Variants in PDGFRB observed in about 807,000 individuals in gnomAD.
PDGFRB encodes platelet-derived growth factor receptor beta.
A neutral mutation model predicts 120.2 loss-of-function variants in PDGFRB; 42 were observed. That is an observed-to-expected ratio of 0.35 (90% CI 0.27 to 0.45). The LOEUF (loss-of-function observed/expected upper bound fraction) is 0.45. Ranked by LOEUF, PDGFRB falls within the 20% of genes least tolerant of loss-of-function variation. The probability of loss-of-function intolerance (pLI) is 1.00; values close to 1 mark genes in which losing one functional copy is unlikely to be tolerated. For missense variants in PDGFRB, 1,149 were observed against 1,476.3 expected (o/e 0.78, Z 3.63); for synonymous variants, 586 against 606.8 (o/e 0.97, Z 0.50).
rs2113889422 is a variant in PDGFRB, at chr5:150,121,192, C to T, written c.2463+12G>A. 1 of 1,377,586 alleles carries T rather than the reference C, an allele frequency of 7.3e-7. No individual in the cohort carries two copies. Among genetic ancestry groups the T allele is most frequent in the Non-Finnish European group, 1.0e-6 (1 of 964,200 alleles). The allele number at this position is 1,377,586 out of a possible 1,614,324, so 85.3% of individuals were successfully genotyped here. ...CACAGCCCCCACTCTGCCCCACCAACACCACACGTACGTTCTTGGAGGCCA... is the reference window on the plus strand; with the variant it reads ...CACAGCCCCCACTCTGCCCCACCAATACCACACGTACGTTCTTGGAGGCCA... On this transcript the variant is annotated intron_variant, in intron 17 of 22. Transcript: ENST00000261799. This position sits in a 1 kb window ranked among gnomAD's most constrained non-coding sequence, Gnocchi z 4.1.
Position 150,143,254 on chromosome 5 carries a change from G to A in PDGFRB, c.-6-6201C>T, listed in dbSNP as rs116027550. On this transcript the variant is annotated intron_variant, in intron 1 of 22. Coordinates refer to ENST00000261799, the MANE Select transcript of PDGFRB (RefSeq NM_002609.4). The stretch of plus-strand genomic sequence containing the variant: ...GTTTTTGGACCACAGTTGATCTGGG[G>A]TAACTGAAACTTCAGAAAGTGAAAC... Among the ~76,000 whole-genome samples, 1,298 of 152,342 alleles carry A rather than the reference G, an allele frequency of 8.5e-3. 14 individuals are homozygous for A. The highest frequency in any genetic ancestry group is 0.029 in the African/African-American group (1,198 of 41,572).
rs777708927 is a variant in PDGFRB at position 150,123,166 on chromosome 5, C to T, written c.2059G>A (p.Gly687Arg). Residue 687 changes from glycine to arginine, a missense_variant, in exon 15 of 23, where the codon GGA becomes AGA. Coordinates refer to ENST00000261799, the MANE Select transcript of PDGFRB (RefSeq NM_002609.4). Reference sequence around the variant, plus strand: ...CGGTGCAGGTAGTCCACCAGGTCTCCGTAGCGGCAGTACTCAGTGATGATA... The same window carrying T: ...CGGTGCAGGTAGTCCACCAGGTCTCTGTAGCGGCAGTACTCAGTGATGATA... ...IYIITEYCRY[G>R]DLVDYLHRNK... The T allele has an allele frequency of 3.7e-6, 6 of 1,613,642 alleles. No homozygotes were observed. The highest frequency in any genetic ancestry group is 2.2e-5 in the East Asian group (1 of 44,882).
chr5:150,133,803 CG>C (rs1208996221), intron 5 of PDGFRB, 43 bp from the exon 6 acceptor site: 2 of 1,611,664 alleles, frequency 1.2e-6, no homozygotes, highest in Middle Eastern at 1.6e-4. Context: ...CAGGAGGGGC[CG>C]GGGAGAAATC....
At chr5:150,122,862 T>A (rs1211146047) in intron 15 of PDGFRB, among the ~76,000 whole-genome samples, 180 bp downstream of exon 15, 1 of 152,244 alleles carries the variant, frequency 6.6e-6, no homozygotes, top group Non-Finnish European at 1.5e-5. Flanking sequence ...GCACAGGGCC[T>A]GGCATTAGTG....
intron 1 of PDGFRB, among the ~76,000 whole-genome samples, chr5:150,150,821 G>C (rs541560814): frequency 1.1e-4 from 17 of 152,168 alleles, no homozygotes; most frequent in Admixed American, 8.5e-4. Flanking sequence ...CACTCATCTG[G>C]GCCAAAGCCT....
At chr5:150,144,693 C>T (rs529588141) in intron 1 of PDGFRB, among the ~76,000 whole-genome samples, 13 of 152,270 alleles carry the variant, frequency 8.5e-5, no homozygotes, top group East Asian at 7.7e-4. Context: ...GTGTGCCTCA[C>T]GGCTGCTGGG....
intron 1 of PDGFRB, among the ~76,000 whole-genome samples, chr5:150,141,543 CTG>C (rs1304187827): frequency 6.6e-6 from 1 of 152,198 alleles, no homozygotes; most frequent in Non-Finnish European, 1.5e-5. Flanking sequence ...TGGTGTGACT[CTG>C]TGTTCTATGC....
chr5:150,129,647 T>C (rs1263962653), intron 10 of PDGFRB, 110 bp downstream of exon 10: 2 of 820,054 alleles, frequency 2.4e-6, no homozygotes, highest in Non-Finnish European at 3.9e-6. Flanking sequence ...TGTTTGCCCC[T>C]GGGCATGCTA....
At position 150,121,099 on chromosome 5, in the gene PDGFRB, G is replaced by T; in HGVS notation, c.2464-89C>A. On this transcript the variant is annotated intron_variant, in intron 17 of 22. Coordinates refer to ENST00000261799, the MANE Select transcript of PDGFRB (RefSeq NM_002609.4). This position sits in a 1 kb window ranked among gnomAD's most constrained non-coding sequence, Gnocchi z 4.1. ...AAGGGCTTTGGGAAAATACAACACT[G>T]CCCATGTGCGAGAGGCCACCCTGGT... 1.3e-6 allele frequency: 2 copies of T among 1,484,218 alleles called. No individual in the cohort carries two copies. The highest frequency in any genetic ancestry group is 1.9e-6 in the Non-Finnish European group (2 of 1,062,048). 91.9% of individuals were successfully genotyped at this position (1,484,218 alleles called of 1,614,324 possible).
rs761924412 is a variant in PDGFRB, at chr5:150,117,782, G to A, written c.2973C>T (p.Arg991=). The A allele has an allele frequency of 1.2e-6, 2 of 1,613,960 alleles. No individual in the cohort carries two copies. The highest frequency in any genetic ancestry group is 2.2e-5 in the East Asian group (1 of 44,862). ...DHPAILRSQA[R]LPGFHGLRSP... ...ATCGGAGGCCATGGAACCCAGGCAAGCGGGCCTGGGACCGAAGGATGGCTG... is the reference window on the plus strand; with the variant it reads ...ATCGGAGGCCATGGAACCCAGGCAAACGGGCCTGGGACCGAAGGATGGCTG... The change falls in exon 22 of 23, where the codon CGC becomes CGT. Residue 991 remains arginine, a synonymous_variant. Coordinates refer to ENST00000261799, the MANE Select transcript of PDGFRB (RefSeq NM_002609.4).
At chr5:150,119,923 G>A (rs956157380) in intron 19 of PDGFRB, 89 bp downstream of exon 19, 15 of 772,636 alleles carry the variant, frequency 1.9e-5, no homozygotes, top group African/African-American at 1.4e-4. Context: ...ATCAGGGCTC[G>A]TCCCATAGCC....
intron 14 of PDGFRB, among the ~76,000 whole-genome samples, chr5:150,123,700 A>G (rs1272685427): frequency 6.6e-6 from 1 of 152,272 alleles, no homozygotes; most frequent in Middle Eastern, 3.2e-3. Context: ...GCAAACGTGA[A>G]TAAGTCTATG....
At position 150,121,362 on chromosome 5, in the gene PDGFRB, C is replaced by A. The variant is rs1760128931; in HGVS notation, c.2345-40G>T. ...GAGGGTCACCTGCTATCTTATATCT[C>A]CTTCTGGCCCACAGGACCCCTGCCC... On this transcript the variant is annotated intron_variant, in intron 16 of 22. Coordinates refer to ENST00000261799, the MANE Select transcript of PDGFRB (RefSeq NM_002609.4). The surrounding 1 kb of genome is among the most constrained non-coding windows in gnomAD (Gnocchi z 4.1). 1 of 927,034 alleles carries A rather than the reference C, an allele frequency of 1.1e-6. No homozygotes were observed. The highest frequency in any genetic ancestry group is 1.8e-6 in the Non-Finnish European group (1 of 552,012). The allele number at this position is 927,034 out of a possible 1,614,324, so 57.4% of individuals were successfully genotyped here.
rs1760439734 is a variant in PDGFRB at position 150,130,667 on chromosome 5, A to G, written c.1244-5T>C. 2 of 1,612,738 alleles carry G rather than the reference A, an allele frequency of 1.2e-6. No individual in the cohort carries two copies. The highest frequency in any genetic ancestry group is 1.7e-5 in the Admixed American group (1 of 59,930). On this transcript the variant is annotated splice_region_variant and splice_polypyrimidine_tract_variant and intron_variant, in intron 8 of 22. Coordinates refer to ENST00000261799, the MANE Select transcript of PDGFRB (RefSeq NM_002609.4). ...GCTCCAGCACTCGGACAGGGACTGC[A>G]TGGAGAGAGCACTGAGTTAGGAGGC...
At chr5:150,117,995 G>C (rs1760016558) in intron 21 of PDGFRB, 145 bp from the exon 22 acceptor site, 2 of 617,636 alleles carry the variant, frequency 3.2e-6, no homozygotes, top group African/African-American at 3.7e-5. Flanking sequence ...AAGCCACATG[G>C]TTGAGCTGCC....
chr5:150,135,426 G>C, intron 3 of PDGFRB, 129 bp downstream of exon 3: 3 of 705,118 alleles, frequency 4.3e-6, no homozygotes, highest in Middle Eastern at 4.0e-4. Flanking sequence ...AGCCAGGCTG[G>C]TTCCATGATT....
chr5:150,145,957 C>T (rs542141634), intron 1 of PDGFRB, among the ~76,000 whole-genome samples: 3 of 152,354 alleles, frequency 2.0e-5, no homozygotes, highest in East Asian at 1.9e-4. Context: ...CACTCTTTCA[C>T]GCTGTCTTTT....
At chr5:150,129,735 G>A (rs1760399601) in intron 10 of PDGFRB, 22 bp downstream of exon 10, 5 of 1,587,192 alleles carry the variant, frequency 3.2e-6, no homozygotes, top group Non-Finnish European at 8.6e-7. Flanking sequence ...ATCGTCAGGG[G>A]CCACTGAGGC....
chr5:150,116,082 A>C (rs1445828582), intron 22 of PDGFRB, 136 bp from the exon 23 acceptor site: 11 of 703,646 alleles, frequency 1.6e-5, no homozygotes, highest in Non-Finnish European at 2.5e-5. Flanking sequence ...CTCTTGTGAA[A>C]ACTATGCAAG....
Sources: gnomAD v4.1 joint callset for allele counts (sites outside exome capture counted in the v4.1 genomes callset) on GRCh38, gnomAD v4.1.1 for gene constraint, Gnocchi (gnomAD v3.1) non-coding constraint, MANE v1.5 for transcripts, NCBI Gene and HGNC (gene_info 2026-07-23, HGNC 2026-07-21) for gene names.